Variants in DGKK observed in about 807,000 individuals in gnomAD.
The protein encoded by DGKK is diacylglycerol kinase kappa, also known as 142 kDa diacylglycerol kinase.
Under a neutral mutation model 92.2 loss-of-function variants are expected in DGKK, and 35 were observed. The observed-to-expected ratio is 0.38, with a 90% CI of 0.29 to 0.50. DGKK has a LOEUF of 0.50. DGKK is among the 20% of genes least tolerant of loss of function. DGKK has a pLI of 0.92. For missense variants in DGKK, 910 were observed against 992.2 expected (o/e 0.92, Z 1.11); for synonymous variants, 368 against 360.6 (o/e 1.02, Z -0.23).
At chrX:50,379,530 T>G in intron 20 of DGKK, 97 bp downstream of exon 20, 1 of 694,110 alleles carries the variant, frequency 1.4e-6, no homozygotes, top group Non-Finnish European at 2.2e-6. Context: ...TCTTCTCCCA[T>G]TGTCTATTTT....
At chrX:50,398,918 C>T (rs1183046331) in intron 8 of DGKK, among the ~76,000 whole-genome samples, 3 of 112,108 alleles carry the variant, frequency 2.7e-5, no homozygotes, top group South Asian at 3.7e-4. Flanking sequence ...TACTTTTCTT[C>T]TTGTATCAAC....
At chrX:50,374,088 T>G (rs12556552) in intron 25 of DGKK, among the ~76,000 whole-genome samples, 28,542 of 111,160 alleles carry the variant, frequency 0.26, 2,897 homozygotes, top group Middle Eastern at 0.39. Context: ...GGTTGAATTG[T>G]GTCCCCCCAG....
chrX:50,392,662 T>C (rs1924730704), intron 9 of DGKK, among the ~76,000 whole-genome samples: 1 of 112,356 alleles, frequency 8.9e-6, no homozygotes. Flanking sequence ...TTTCTGTGCC[T>C]CTGGAAAACA....
Position 50,404,094 on chromosome X carries a change from G to A in DGKK, c.1033C>T (p.Arg345Ter), listed in dbSNP as rs1925080705. The A allele has an allele frequency of 8.3e-7, 1 of 1,210,787 alleles. No individual in the cohort carries two copies. The highest frequency in any genetic ancestry group is 1.1e-6 in the Non-Finnish European group (1 of 895,134). ...SHRTQHCNVCRESIPALSRDA... is the reference protein window; with the variant it reads ...SHRTQHCNVC Reference sequence around the variant, plus strand: ...CTAGATAAGGCAGGAATGCTCTCTCGACAAACATTGCAGTGCTGGGTCCGG... The same window carrying A: ...CTAGATAAGGCAGGAATGCTCTCTCAACAAACATTGCAGTGCTGGGTCCGG... Residue 345 changes from arginine (R) to a stop codon, truncating the protein, a stop_gained, in exon 5 of 28, where the codon CGA becomes TGA. Coordinates refer to ENST00000611977, the MANE Select transcript of DGKK (RefSeq NM_001013742.4). LOFTEE classifies it high-confidence loss of function.
At chrX:50,400,890 G>C (rs1924983870) in intron 8 of DGKK, 147 bp downstream of exon 8, 1 of 485,955 alleles carries the variant, frequency 2.1e-6, no homozygotes, top group Non-Finnish European at 3.5e-6. Context: ...AGAGAACCAG[G>C]AGCTATCTAT....
chrX:50,379,925 G>T, intron 19 of DGKK, 56 bp downstream of exon 19: 1 of 1,093,166 alleles, frequency 9.1e-7, no homozygotes, highest in Non-Finnish European at 1.3e-6. Context: ...GTATTCCCAA[G>T]GCCATGAGAT....
rs183527488 is a variant in DGKK at position 50,420,717 on chromosome X, A to C, written c.838-210T>G. 2.0e-3 allele frequency among the ~76,000 whole-genome samples: 225 copies of C among 112,279 alleles called. 2 individuals are homozygous for C. Among genetic ancestry groups the C allele is most frequent in the Non-Finnish European group, 7.3e-4 (39 of 53,236 alleles). On this transcript the variant is annotated intron_variant, in intron 3 of 27. Coordinates refer to ENST00000611977, the MANE Select transcript of DGKK (RefSeq NM_001013742.4). ...TGCTAATAGCAATAATTAACATTTT[A>C]ATGCCACTCACTATGTGCCAAGAAC...
At chrX:50,372,487 A>T (rs1251699109) in intron 25 of DGKK, among the ~76,000 whole-genome samples, 2 of 111,796 alleles carry the variant, frequency 1.8e-5, no homozygotes, top group African/African-American at 3.3e-5. Context: ...AAGCAAGGAG[A>T]GAGCTAGAGA....
rs191344595 is a variant in DGKK at position 50,462,480 on chromosome X, G to A, written c.645+7554C>T. On this transcript the variant is annotated intron_variant, in intron 1 of 27. Transcript: ENST00000611977. ...GGAAGAAAGTTCAATGGTGTTGGAG[G>A]GATTATAGCCAACTTGCCTTAGATT... is the stretch of plus-strand genomic sequence containing the variant. Among the ~76,000 whole-genome samples the A allele has an allele frequency of 1.3e-4, 14 of 105,026 alleles. No individual in the cohort carries two copies. The East Asian group carries it at 3.0e-3, about 22-fold the overall frequency. 91.2% of individuals were successfully genotyped at this position (105,026 alleles called of 115,157 possible).
intron 4 of DGKK, among the ~76,000 whole-genome samples, chrX:50,418,301 A>G (rs1341890951): frequency 1.8e-5 from 2 of 111,983 alleles, no homozygotes; most frequent in Admixed American, 1.9e-4. Flanking sequence ...TTCTGTGTAT[A>G]TAGCGTCTCC....
At chrX:50,391,367 TC>T in intron 11 of DGKK, 69 bp downstream of exon 11, 1 of 1,150,437 alleles carries the variant, frequency 8.7e-7, no homozygotes, top group Non-Finnish European at 1.2e-6. Context: ...GTTAAAGTAT[TC>T]CTGATTGAGA....
At chrX:50,391,415 G>A in intron 11 of DGKK, 22 bp downstream of exon 11, 1 of 1,208,241 alleles carries the variant, frequency 8.3e-7, no homozygotes, top group Non-Finnish European at 1.1e-6. Context: ...AGGCACAAGG[G>A]CCTGGTCTTT....
rs782553959 is a variant in DGKK, at chrX:50,470,280, C to A, written c.399G>T (p.Ser133=). The A allele has an allele frequency of 1.7e-6, 2 of 1,204,680 alleles. No individual in the cohort carries two copies. The highest frequency in any genetic ancestry group is 2.2e-6 in the Non-Finnish European group (2 of 892,881). Reference sequence around the variant, plus strand: ...TCAGCTCTGGGGCCGGCTCTGGGACCGACTCTAGGGCAGGTTCTGGAGTCG... The same window carrying A: ...TCAGCTCTGGGGCCGGCTCTGGGACAGACTCTAGGGCAGGTTCTGGAGTCG... The part of the protein sequence containing the change: ...PEPTPEPALE[S]VPEPAPELTP... The change falls in exon 1 of 28, where the codon TCG becomes TCT. Residue 133 remains serine, a synonymous_variant. Transcript: ENST00000611977.
chrX:50,437,697 G>C (rs1557230908), intron 1 of DGKK, among the ~76,000 whole-genome samples: 2 of 111,758 alleles, frequency 1.8e-5, no homozygotes, highest in African/African-American at 6.5e-5. Context: ...GATAGGCCTG[G>C]AAAGGGAGGA....
chrX:50,395,163 A>G (rs1924813937), intron 8 of DGKK, among the ~76,000 whole-genome samples: 2 of 111,483 alleles, frequency 1.8e-5, no homozygotes, highest in African/African-American at 6.5e-5. Context: ...TCAGGTCTTA[A>G]GATATTTAAA....
chrX:50,416,855 C>G (rs1479086760), intron 4 of DGKK, among the ~76,000 whole-genome samples: 1 of 110,770 alleles, frequency 9.0e-6, no homozygotes, highest in Non-Finnish European at 1.9e-5. Flanking sequence ...CAGTTGTCTA[C>G]CTTAGTATTC....
chrX:50,393,833 G>C (rs1230560983), intron 8 of DGKK, among the ~76,000 whole-genome samples: 5 of 111,909 alleles, frequency 4.5e-5, no homozygotes, highest in Non-Finnish European at 9.4e-5. Flanking sequence ...AGGAAAGGCT[G>C]TCATTTAGCC....
intron 27 of DGKK, 91 bp downstream of exon 27, chrX:50,370,335 A>G: frequency 9.3e-7 from 1 of 1,070,313 alleles, no homozygotes; most frequent in Non-Finnish European, 1.2e-6. Context: ...CATTCCCACA[A>G]ACATTTCTAA....
intron 27 of DGKK, 120 bp from the exon 28 acceptor site, chrX:50,369,139 G>A (rs1924048441): frequency 2.1e-6 from 1 of 465,629 alleles, no homozygotes; most frequent in African/African-American, 2.4e-5. Flanking sequence ...TGTTCCTATT[G>A]TACTAACCAT....
Sources: gnomAD v4.1 joint callset for allele counts (sites outside exome capture counted in the v4.1 genomes callset) on GRCh38, gnomAD v4.1.1 for gene constraint, MANE v1.5 for transcripts, NCBI Gene and HGNC (gene_info 2026-07-23, HGNC 2026-07-21) for gene names.